Variants in TENM3 observed in about 807,000 individuals in gnomAD.
TENM3 encodes teneurin transmembrane protein 3.
In TENM3, 63 loss-of-function variants were observed where a neutral mutation model predicts 255.1. That is an observed-to-expected ratio of 0.25 (90% CI 0.20 to 0.30). TENM3 has a LOEUF of 0.30. TENM3 is among the 10% of genes least tolerant of loss of function. The probability of loss-of-function intolerance (pLI) is 1.00; values close to 1 mark genes in which losing one functional copy is unlikely to be tolerated. For missense variants in TENM3, 2,929 were observed against 3,461.1 expected (o/e 0.85, Z 3.86); for synonymous variants, 1,306 against 1,322.3 (o/e 0.99, Z 0.27).
the TENM3 span, among the ~76,000 whole-genome samples, chr4:181,783,216 T>C: frequency 6.6e-6 from 1 of 152,116 alleles, no homozygotes; most frequent in East Asian, 1.9e-4. Flanking sequence ...ATGTTGACAG[T>C]GGGGTGTTAA....
At chr4:181,612,358 A>G in the TENM3 span, among the ~76,000 whole-genome samples, 10 of 152,272 alleles carry the variant, frequency 6.6e-5, no homozygotes, top group African/African-American at 2.2e-4. Context: ...TCTTCATTTC[A>G]GTCCTCATGG....
At chr4:181,579,994 ATTTTATTTTAT>A in the TENM3 span, among the ~76,000 whole-genome samples, 1 of 67,266 alleles carries the variant, frequency 1.5e-5, no homozygotes, top group African/African-American at 6.0e-5. Context: ...ATTTTATTTT[ATTTTATTTTAT>A]TTATTTTTTG....
Position 182,751,817 on chromosome 4 carries a change from G to C in TENM3, c.3647G>C (p.Arg1216Thr). Residue 1216 changes from arginine (R) to threonine (T), a missense_variant, in exon 20 of 28, where the codon AGA becomes ACA. By Grantham distance (71) the Arg-to-Thr change is moderately conservative. Around this residue, in one of 6 missense-constraint regions of TENM3, gnomAD observed 1,608 missense variants for 1,884.4 expected, o/e 0.85. Coordinates refer to ENST00000511685, the MANE Select transcript of TENM3 (RefSeq NM_001080477.4). ...VLELSSNPAH[R>T]YYLATDPVTG... The stretch of plus-strand genomic sequence containing the variant: ...TTTCACAGCAGCAACCCAGCTCATA[G>C]ATACTACCTTGCAACGGATCCAGTC... 6.2e-7 allele frequency: 1 copy of C among 1,613,782 alleles called. No individual in the cohort carries two copies. The highest frequency in any genetic ancestry group is 8.5e-7 in the Non-Finnish European group (1 of 1,179,742).
At chr4:182,010,939 T>C in the TENM3 span, among the ~76,000 whole-genome samples, 1 of 152,230 alleles carries the variant, frequency 6.6e-6, no homozygotes, top group African/African-American at 2.4e-5. Flanking sequence ...TGGGCTTCTG[T>C]GACATCATTC....
At chr4:181,530,320 A>G in the TENM3 span, among the ~76,000 whole-genome samples, 1 of 152,246 alleles carries the variant, frequency 6.6e-6, no homozygotes, top group African/African-American at 2.4e-5. Context: ...ACTTATTTCA[A>G]GTAATGATCT....
chr4:182,505,098 C>T (rs1736684865), intron 3 of TENM3, among the ~76,000 whole-genome samples: 1 of 152,076 alleles, frequency 6.6e-6, no homozygotes, highest in Non-Finnish European at 1.5e-5. Flanking sequence ...TCAGTATAAT[C>T]AATATTGATG....
chr4:181,474,739 C>CAAA, the TENM3 span, among the ~76,000 whole-genome samples: 1,052 of 137,278 alleles, frequency 7.7e-3, 14 homozygotes, highest in African/African-American at 0.024. Flanking sequence ...CGTCTCAAAA[C>CAAA]AAAAAAAAAA....
chr4:181,837,486 A>G, the TENM3 span, among the ~76,000 whole-genome samples: 4 of 152,050 alleles, frequency 2.6e-5, no homozygotes, highest in South Asian at 2.1e-4. Context: ...CGATTTTCCA[A>G]TGTTAAATCA....
the TENM3 span, among the ~76,000 whole-genome samples, chr4:181,617,291 A>G: frequency 3.3e-5 from 5 of 152,350 alleles, no homozygotes; most frequent in African/African-American, 9.6e-5. Flanking sequence ...GCAGACAGTA[A>G]CCAATAACCA....
chr4:182,327,580 A>T (rs1193828402), intron 2 of TENM3, among the ~76,000 whole-genome samples: 1 of 152,210 alleles, frequency 6.6e-6, no homozygotes, highest in East Asian at 1.9e-4. Context: ...TGTTATATTT[A>T]GGTAGCATAA....
chr4:181,514,129 C>T, the TENM3 span, among the ~76,000 whole-genome samples: 1 of 152,274 alleles, frequency 6.6e-6, no homozygotes, highest in African/African-American at 2.4e-5. Flanking sequence ...ACAGTAAACA[C>T]TTTTAATCCT....
At chr4:181,560,001 A>G in the TENM3 span, among the ~76,000 whole-genome samples, 103 of 152,366 alleles carry the variant, frequency 6.8e-4, no homozygotes, top group Non-Finnish European at 1.2e-3. Context: ...TTTTAGAATA[A>G]CAATGACATA....
At chr4:182,408,365 G>A (rs1365622600) in intron 3 of TENM3, among the ~76,000 whole-genome samples, 1 of 152,206 alleles carries the variant, frequency 6.6e-6, no homozygotes, top group African/African-American at 2.4e-5. Context: ...ATAAAATGCA[G>A]GCAGAAATAT....
At chr4:182,431,529 C>T (rs1410594241) in intron 3 of TENM3, among the ~76,000 whole-genome samples, 1 of 151,998 alleles carries the variant, frequency 6.6e-6, no homozygotes, top group African/African-American at 2.4e-5. Context: ...GGGTGAGATT[C>T]AAGACCTAAC....
chr4:181,978,844 A>G, the TENM3 span, among the ~76,000 whole-genome samples: 1 of 151,000 alleles, frequency 6.6e-6, no homozygotes, highest in African/African-American at 2.4e-5. Context: ...AGGCAAGGGA[A>G]GTATGAATTG....
At chr4:182,001,327 C>A in the TENM3 span, among the ~76,000 whole-genome samples, 9 of 152,080 alleles carry the variant, frequency 5.9e-5, no homozygotes, top group Admixed American at 1.3e-4. Flanking sequence ...TCGAAATTCT[C>A]ATTTGTCTTG....
intron 3 of TENM3, among the ~76,000 whole-genome samples, chr4:182,374,045 T>G (rs1025418880): frequency 6.6e-6 from 1 of 152,128 alleles, no homozygotes; most frequent in African/African-American, 2.4e-5. Context: ...TATATATATA[T>G]ATATGTATAT....
chr4:182,581,231 A>C (rs961840890), intron 3 of TENM3, among the ~76,000 whole-genome samples: 2 of 152,190 alleles, frequency 1.3e-5, no homozygotes, highest in African/African-American at 4.8e-5. Context: ...TATTTTGATG[A>C]CCTCACAAAA....
chr4:181,731,131 G>A, the TENM3 span, among the ~76,000 whole-genome samples: 2 of 152,048 alleles, frequency 1.3e-5, no homozygotes, highest in Non-Finnish European at 1.5e-5. Flanking sequence ...TGTCCACTTC[G>A]TAATAGGGGC....
Sources: gnomAD v4.1 joint callset for allele counts (sites outside exome capture counted in the v4.1 genomes callset) on GRCh38, gnomAD v4.1.1 for gene constraint, gnomAD v4.1.1 regional missense constraint, MANE v1.5 for transcripts, NCBI Gene and HGNC (gene_info 2026-07-23, HGNC 2026-07-21) for gene names.